The following UBE2E2 variants were observed in gnomAD, a reference collection of about 807,000 sequenced individuals.
UBE2E2 encodes ubiquitin-conjugating enzyme E2 E2.
A neutral mutation model predicts 24.7 loss-of-function variants in UBE2E2; 6 were observed. The ratio of observed to expected loss-of-function variants is 0.24; its 90% CI spans 0.13 to 0.48. The LOEUF (loss-of-function observed/expected upper bound fraction) is 0.48. Ranked by LOEUF, UBE2E2 falls within the 20% of genes least tolerant of loss-of-function variation. The pLI, the probability that UBE2E2 is intolerant of heterozygous loss-of-function variation, is 0.99. For missense variants in UBE2E2, 169 were observed against 245.0 expected, an observed-to-expected ratio of 0.69 and a Z score of 2.07; for synonymous variants, 104 against 83.6, an observed-to-expected ratio of 1.24 and a Z score of -1.33.
At chr3:23,499,571 A>G in intron 3 of UBE2E2, 37 bp from the exon 4 acceptor site, 1 of 1,579,806 alleles carries the variant, frequency 6.3e-7, no homozygotes, top group Non-Finnish European at 8.6e-7. Flanking sequence ...CCTTTATGTA[A>G]TTTCTAAGCA....
chr3:23,314,380 T>C (rs1157894650), intron 3 of UBE2E2, among the ~76,000 whole-genome samples: 1 of 152,224 alleles, frequency 6.6e-6, no homozygotes, highest in Admixed American at 6.5e-5. Flanking sequence ...TCCTCTCGCC[T>C]CTACCTCCTA....
chr3:23,268,541 T>G (rs866815315), intron 3 of UBE2E2, among the ~76,000 whole-genome samples: 31 of 146,590 alleles, frequency 2.1e-4, no homozygotes, highest in Middle Eastern at 6.9e-3. Flanking sequence ...CACTGCTCAA[T>G]GAAATAAAAG....
intron 3 of UBE2E2, among the ~76,000 whole-genome samples, chr3:23,249,283 A>G (rs1401330054): frequency 1.3e-5 from 2 of 151,852 alleles, no homozygotes; most frequent in African/African-American, 2.4e-5. Context: ...AAAAAAAAAA[A>G]AAGAACCTAA....
intron 3 of UBE2E2, among the ~76,000 whole-genome samples, chr3:23,293,807 T>G (rs1393112270): frequency 6.6e-6 from 1 of 152,228 alleles, no homozygotes; most frequent in Non-Finnish European, 1.5e-5. Flanking sequence ...TTCTCTGGCA[T>G]AAACTTTGTT....
chr3:23,356,922 T>G (rs538532579), intron 3 of UBE2E2, among the ~76,000 whole-genome samples: 2 of 152,362 alleles, frequency 1.3e-5, no homozygotes, highest in East Asian at 3.9e-4. Flanking sequence ...AGTTTATTTC[T>G]CCTCACACAG....
At chr3:23,300,457 G>A (rs1699042605) in intron 3 of UBE2E2, among the ~76,000 whole-genome samples, 1 of 152,064 alleles carries the variant, frequency 6.6e-6, no homozygotes, top group South Asian at 2.1e-4. Flanking sequence ...CTTCCTTCAG[G>A]AGCTCTTTTA....
intron 3 of UBE2E2, among the ~76,000 whole-genome samples, chr3:23,485,264 T>G (rs1225099511): frequency 1.3e-5 from 2 of 151,796 alleles, no homozygotes; most frequent in Admixed American, 6.6e-5. Context: ...CCCAGCTAAT[T>G]TTTGTATTTT....
At chr3:23,524,351 G>T (rs1275997435) in intron 4 of UBE2E2, among the ~76,000 whole-genome samples, 1 of 152,142 alleles carries the variant, frequency 6.6e-6, no homozygotes, top group Non-Finnish European at 1.5e-5. Flanking sequence ...CTAGTAACTA[G>T]GGGATGTAAG....
chr3:23,443,045 C>T (rs991126815), intron 3 of UBE2E2, among the ~76,000 whole-genome samples: 13 of 152,320 alleles, frequency 8.5e-5, no homozygotes, highest in African/African-American at 3.1e-4. Context: ...TTCCAGTTTT[C>T]TACTCACCTC....
intron 5 of UBE2E2, among the ~76,000 whole-genome samples, chr3:23,569,630 C>T (rs749592342): frequency 6.6e-6 from 1 of 152,102 alleles, no homozygotes; most frequent in Non-Finnish European, 1.5e-5. Context: ...CTTAAGTCCT[C>T]TACTGTAAGG....
intron 5 of UBE2E2, among the ~76,000 whole-genome samples, chr3:23,566,553 A>G (rs1451798062): frequency 6.6e-6 from 1 of 152,216 alleles, no homozygotes; most frequent in African/African-American, 2.4e-5. Context: ...TACAAGAAGT[A>G]TAGTGCCAGC....
At chr3:23,402,939 T>G (rs997338755) in intron 3 of UBE2E2, among the ~76,000 whole-genome samples, 4 of 152,156 alleles carry the variant, frequency 2.6e-5, no homozygotes, top group African/African-American at 9.7e-5. Flanking sequence ...CTTGACATCC[T>G]TTGACATACC....
At chr3:23,245,851 G>A (rs1055593002) in intron 3 of UBE2E2, among the ~76,000 whole-genome samples, 20 of 152,120 alleles carry the variant, frequency 1.3e-4, no homozygotes, top group African/African-American at 4.8e-4. Context: ...TTCATAAACT[G>A]TGTTTTGCAT....
intron 3 of UBE2E2, among the ~76,000 whole-genome samples, chr3:23,485,653 C>G (rs1470639709): frequency 6.6e-6 from 1 of 152,136 alleles, no homozygotes; most frequent in African/African-American, 2.4e-5. Context: ...GGAACTTTGG[C>G]CTGGCGCTGC....
At chr3:23,389,002 CAAAAAAAAA>C (rs34578427) in intron 3 of UBE2E2, among the ~76,000 whole-genome samples, 2 of 81,152 alleles carry the variant, frequency 2.5e-5, no homozygotes, top group South Asian at 8.8e-4. Flanking sequence ...ACTCCATTTC[CAAAAAAAAA>C]AAAAAAAGAA....
At chr3:23,418,491 T>C (rs1452791971) in intron 3 of UBE2E2, among the ~76,000 whole-genome samples, 1 of 152,200 alleles carries the variant, frequency 6.6e-6, no homozygotes, top group Non-Finnish European at 1.5e-5. Flanking sequence ...TATTTGGCCA[T>C]CTTCAAGCCA....
In UBE2E2 at chr3:23,225,471, G is replaced by A. The variant is rs115063645; in HGVS notation, c.227+8159G>A. 5.9e-3 allele frequency among the ~76,000 whole-genome samples: 896 copies of A among 152,158 alleles called. 7 individuals are homozygous for A. The highest frequency in any genetic ancestry group is 0.021 in the African/African-American group (859 of 41,542). On this transcript the variant is annotated intron_variant, in intron 3 of 5. Coordinates refer to ENST00000396703, the MANE Select transcript of UBE2E2 (RefSeq NM_152653.4). ...TCTGATCCTTTTTCAGTTAATTTTT[G>A]TATGTGGTATGAGATTAGAGTCCAA...
intron 5 of UBE2E2, among the ~76,000 whole-genome samples, chr3:23,551,460 A>G (rs989688067): frequency 1.3e-5 from 2 of 152,228 alleles, no homozygotes; most frequent in African/African-American, 4.8e-5. Flanking sequence ...TAGTAGAAAC[A>G]TGCAAACAGC....
intron 3 of UBE2E2, among the ~76,000 whole-genome samples, chr3:23,429,379 A>T (rs577281931): frequency 2.6e-5 from 4 of 152,206 alleles, no homozygotes; most frequent in African/African-American, 7.2e-5. Context: ...GGCGTAAAAA[A>T]TTTTAACAAA....
Sources: allele counts gnomAD v4.1 joint callset (sites outside exome capture counted in the v4.1 genomes callset), GRCh38; gene constraint gnomAD v4.1.1; transcripts MANE v1.5; gene names NCBI Gene and HGNC (gene_info 2026-07-23, HGNC 2026-07-21).